The following PPFIBP1 variants were observed in gnomAD, a reference collection of about 807,000 sequenced individuals.
The protein encoded by PPFIBP1 is liprin-beta-1.
In PPFIBP1, 112 loss-of-function variants were observed where a neutral mutation model predicts 137.8. The observed-to-expected ratio is 0.81, with a 90% CI of 0.70 to 0.95. The LOEUF (loss-of-function observed/expected upper bound fraction) is 0.95, where lower values mean the gene tolerates loss of function less well. Among genes scored for constraint, PPFIBP1 ranks in the 40% least tolerant of loss-of-function variants. The probability of loss-of-function intolerance (pLI) is 0.00; values close to 1 mark genes in which losing one functional copy is unlikely to be tolerated. For synonymous variants in PPFIBP1, 378 were observed against 417.3 expected (o/e 0.91, Z 1.15); for missense variants, 1,083 against 1,196.6 (o/e 0.91, Z 1.40).
chr12:27,600,708 A>C (rs529718823), intron 2 of PPFIBP1, among the ~76,000 whole-genome samples: 1 of 152,164 alleles, frequency 6.6e-6, no homozygotes, highest in Non-Finnish European at 1.5e-5. Context: ...ATATCATTTT[A>C]CCTTTGAGGA....
At chr12:27,534,023 C>T (rs562133057) in intron 1 of PPFIBP1, among the ~76,000 whole-genome samples, 25 of 152,128 alleles carry the variant, frequency 1.6e-4, no homozygotes, top group African/African-American at 2.7e-4. Context: ...GAGGACTACA[C>T]GGGGGCTGAT....
At chr12:27,612,336 T>G (rs951800610) in intron 2 of PPFIBP1, among the ~76,000 whole-genome samples, 9 of 142,002 alleles carry the variant, frequency 6.3e-5, no homozygotes, top group African/African-American at 2.3e-4. Flanking sequence ...GTGTTTTTTT[T>G]TTTTTTTTTT....
Position 27,650,076 on chromosome 12 carries a change from A to C in PPFIBP1, c.538A>C (p.Lys180Gln). The C allele has an allele frequency of 6.2e-7, 1 of 1,606,888 alleles. No individual in the cohort carries two copies. ...TCTGATGGCTGAAATATCTAACTTG[A>C]AGTTGAAACTGACAGCTGTAGAGAA... is the stretch of plus-strand genomic sequence containing the variant. ...LDLMAEISNLKLKLTAVEKDR... is the reference protein window; with the variant it reads ...LDLMAEISNLQLKLTAVEKDR... The change falls in exon 7 of 30, where the codon AAG (lysine) becomes CAG (glutamine). Residue 180 changes from lysine to glutamine, a missense_variant. Physicochemically the swap from Lys to Gln is moderately conservative, Grantham distance 53. Transcript: ENST00000228425.
intron 24 of PPFIBP1, among the ~76,000 whole-genome samples, chr12:27,686,835 G>A (rs1017044482): frequency 6.6e-6 from 1 of 151,420 alleles, no homozygotes; most frequent in African/African-American, 2.4e-5. Flanking sequence ...CTAGGAGTTT[G>A]AGATAGCCTG....
intron 1 of PPFIBP1, among the ~76,000 whole-genome samples, chr12:27,573,489 T>C (rs1391254615): frequency 6.6e-6 from 1 of 152,078 alleles, no homozygotes; most frequent in Admixed American, 6.5e-5. Context: ...AGAATGAGTA[T>C]GGCCTCAGAA....
intron 21 of PPFIBP1, among the ~76,000 whole-genome samples, chr12:27,680,940 G>T (rs901014992): frequency 6.6e-6 from 1 of 152,068 alleles, no homozygotes; most frequent in African/African-American, 2.4e-5. Context: ...ATACCAAACA[G>T]TTTCATTTGC....
chr12:27,544,207 G>A (rs1041888580), intron 1 of PPFIBP1, among the ~76,000 whole-genome samples: 1 of 152,118 alleles, frequency 6.6e-6, no homozygotes, highest in Non-Finnish European at 1.5e-5. Context: ...CAGCCAAAGT[G>A]GACATTTGGA....
At chr12:27,535,140 T>C (rs1944848826) in intron 1 of PPFIBP1, among the ~76,000 whole-genome samples, 1 of 152,150 alleles carries the variant, frequency 6.6e-6, no homozygotes, top group Non-Finnish European at 1.5e-5. Flanking sequence ...TGTTGCAAAA[T>C]GAAAATGTGT....
intron 3 of PPFIBP1, 68 bp from the exon 4 acceptor site, chr12:27,634,842 G>A (rs989808038): frequency 1.3e-5 from 17 of 1,356,776 alleles, no homozygotes; most frequent in African/African-American, 8.7e-5. Flanking sequence ...CTGGTTTACC[G>A]CCTTCGGCTT....
chr12:27,585,435 T>C (rs1285995901), intron 2 of PPFIBP1, among the ~76,000 whole-genome samples: 1 of 152,228 alleles, frequency 6.6e-6, no homozygotes, highest in Non-Finnish European at 1.5e-5. Context: ...TAGAAGCTAG[T>C]TAGGTTTTCT....
chr12:27,589,746 T>G (rs16931579), intron 2 of PPFIBP1, among the ~76,000 whole-genome samples: 39,466 of 152,182 alleles, frequency 0.26, 5,305 homozygotes, highest in Middle Eastern at 0.32. Flanking sequence ...TCCTAGAGCT[T>G]AATTGCGAGA....
At chr12:27,591,451 G>A (rs1382705630) in intron 2 of PPFIBP1, among the ~76,000 whole-genome samples, 1 of 152,182 alleles carries the variant, frequency 6.6e-6, no homozygotes, top group Non-Finnish European at 1.5e-5. Flanking sequence ...GGGCAGAATG[G>A]AATGGATTGG....
intron 1 of PPFIBP1, among the ~76,000 whole-genome samples, chr12:27,542,171 T>C (rs920526451): frequency 6.6e-6 from 1 of 152,136 alleles, no homozygotes; most frequent in Admixed American, 6.5e-5. Context: ...AAAATAACCA[T>C]ACAACAATAA....
rs543306654 is a variant in PPFIBP1 at position 27,608,363 on chromosome 12, T to C, written c.-35-24999T>C. On this transcript the variant is annotated intron_variant, in intron 2 of 29. Coordinates refer to ENST00000228425, the MANE Select transcript of PPFIBP1 (RefSeq NM_003622.4). ...TGAAAATAGAAATAATCACAAATAT[T>C]CGAGACATTAAATGCAGGACTGTGA... 2.0e-5 allele frequency among the ~76,000 whole-genome samples: 3 copies of C among 152,250 alleles called. No individual in the cohort carries two copies. The East Asian group carries it at 5.8e-4, about 29-fold the overall frequency.
chr12:27,672,416 T>C lies in PPFIBP1; in HGVS notation c.1263-11T>C. On this transcript the variant is annotated splice_polypyrimidine_tract_variant and intron_variant, in intron 14 of 29. Coordinates refer to ENST00000228425, the MANE Select transcript of PPFIBP1 (RefSeq NM_003622.4). ...GAAGTTAATAAATACCTTTTGTTCT[T>C]TACATTTTAGTGATGGAAACATAAT... 1 of 1,600,866 alleles carries C rather than the reference T, an allele frequency of 6.2e-7. No homozygotes were observed. Among genetic ancestry groups the C allele is most frequent in the Non-Finnish European group, 8.6e-7 (1 of 1,168,954 alleles).
At chr12:27,539,646 G>A (rs897095939) in intron 1 of PPFIBP1, among the ~76,000 whole-genome samples, 3 of 152,136 alleles carry the variant, frequency 2.0e-5, no homozygotes, top group African/African-American at 7.2e-5. Flanking sequence ...AGGGTGGAGA[G>A]CTAGCTGCTG....
chr12:27,692,965 A>G lies in PPFIBP1; in HGVS notation c.*83A>G, dbSNP rs2061643132. On this transcript the variant is annotated 3_prime_UTR_variant, in exon 30 of 30. Transcript: ENST00000228425. The stretch of plus-strand genomic sequence containing the variant: ...AACACTCACAGTATATACAACAGGC[A>G]GCGGATTGTCTATTGTTTGTTGTTC... 1.3e-6 allele frequency: 2 copies of G among 1,548,488 alleles called. No homozygotes were observed. The highest frequency in any genetic ancestry group is 1.7e-6 in the Non-Finnish European group (2 of 1,147,726).
At chr12:27,624,275 A>G (rs1314268173) in intron 2 of PPFIBP1, among the ~76,000 whole-genome samples, 1 of 152,198 alleles carries the variant, frequency 6.6e-6, no homozygotes, top group Non-Finnish European at 1.5e-5. Flanking sequence ...CTCAAATCTC[A>G]CTTATTCAGT....
At chr12:27,578,727 T>C (rs1475489126) in intron 2 of PPFIBP1, among the ~76,000 whole-genome samples, 1 of 152,240 alleles carries the variant, frequency 6.6e-6, no homozygotes, top group Non-Finnish European at 1.5e-5. Flanking sequence ...CTACTATTTA[T>C]TGAGCTTCTA....
Sources: gnomAD v4.1 joint callset for allele counts (sites outside exome capture counted in the v4.1 genomes callset) on GRCh38, gnomAD v4.1.1 for gene constraint, MANE v1.5 for transcripts, NCBI Gene and HGNC (gene_info 2026-07-23, HGNC 2026-07-21) for gene names.